EXPH5: variants seen among roughly 807,000 people sequenced by gnomAD.
The protein encoded by EXPH5 is exophilin 5, also known as exophilin-5.
Under a neutral mutation model 41.1 loss-of-function variants are expected in EXPH5, and 42 were observed. The observed-to-expected ratio is 1.02, with a 90% CI of 0.80 to 1.32. EXPH5 has a LOEUF of 1.32. Ranked by LOEUF, EXPH5 falls within the 40% of genes most tolerant of loss-of-function variation. The pLI is 0.00. For synonymous variants in EXPH5, 798 were observed against 833.5 expected (o/e 0.96, Z 0.73); for missense variants, 2,298 against 2,314.5 (o/e 0.99, Z 0.15).
rs184537668 is a variant in EXPH5, at chr11:108,509,943, A to C, written c.5564T>G (p.Leu1855Arg). The C allele has an allele frequency of 7.3e-5, 118 of 1,611,824 alleles. No homozygotes were observed. In the East Asian group the frequency reaches 2.1e-3, roughly 28 times the overall value. Reference protein sequence around the residue: ...YSRRFRSFSELPSCDGNESWA... With the variant: ...YSRRFRSFSERPSCDGNESWA... ...ACTTTCATTTCCATCACAGGAGGGG[A>C]GTTCAGAAAAAGATCTGAATCTTCG... The change falls in exon 6 of 6, where the codon CTC becomes CGC. Residue 1855 changes from leucine to arginine, a missense_variant. Coordinates refer to ENST00000265843, the MANE Select transcript of EXPH5 (RefSeq NM_015065.3).
upstream of EXPH5, among the ~76,000 whole-genome samples, chr11:108,597,139 T>A (rs902368256): frequency 1.3e-5 from 2 of 151,864 alleles, no homozygotes; most frequent in Non-Finnish European, 2.9e-5. Context: ...TCCTTGACAA[T>A]CACCAAGCCA....
upstream of EXPH5, among the ~76,000 whole-genome samples, chr11:108,596,894 T>C (rs978608264): frequency 1.2e-4 from 8 of 64,528 alleles, no homozygotes; most frequent in African/African-American, 2.4e-4. Context: ...AAAATAATTC[T>C]CCAAAGGTTT....
rs557385151 is a variant in EXPH5 at position 108,539,919 on chromosome 11, C to T, written c.281-733G>A. 3.9e-4 allele frequency among the ~76,000 whole-genome samples: 60 copies of T among 152,184 alleles called. No homozygotes were observed. In the South Asian group the frequency reaches 0.012, roughly 30 times the overall value. On this transcript the variant is annotated intron_variant, in intron 2 of 5. Coordinates refer to ENST00000265843, the MANE Select transcript of EXPH5 (RefSeq NM_015065.3). ...ATCTGAAATTGGAAATACTTATAGT[C>T]CCAAACATGTCAGATAACGGATATT... is the stretch of plus-strand genomic sequence containing the variant.
Position 108,517,456 on chromosome 11 carries a change from C to T in EXPH5, c.631+779G>A, listed in dbSNP as rs1270236236. ...CAATATGGGCCAGGCGATGGTATTGCCTTTGCAAACTAAATGAAGTTCCTC... is the reference window on the plus strand; with the variant it reads ...CAATATGGGCCAGGCGATGGTATTGTCTTTGCAAACTAAATGAAGTTCCTC... On this transcript the variant is annotated intron_variant, in intron 5 of 5. Transcript: ENST00000265843. Among the ~76,000 whole-genome samples, 3 of 152,330 alleles carry T rather than the reference C, an allele frequency of 2.0e-5. No homozygotes were observed. The East Asian group carries it at 5.8e-4, about 29-fold the overall frequency.
At chr11:108,588,468 T>G (rs1197979305) in intron 1 of EXPH5, among the ~76,000 whole-genome samples, 1 of 152,192 alleles carries the variant, frequency 6.6e-6, no homozygotes, top group Non-Finnish European at 1.5e-5. Context: ...CACAGCACAG[T>G]GATTATGTAC....
At chr11:108,541,555 A>G (rs1412533408) in intron 2 of EXPH5, 97 bp downstream of exon 2, 3 of 718,862 alleles carry the variant, frequency 4.2e-6, no homozygotes, top group Non-Finnish European at 6.7e-6. Flanking sequence ...AGTTCTAAAC[A>G]TGGATTGGTT....
At chr11:108,541,445 C>CA (rs199762928) in intron 2 of EXPH5, among the ~76,000 whole-genome samples, 29 of 149,116 alleles carry the variant, frequency 1.9e-4, no homozygotes, top group Middle Eastern at 3.4e-3. Context: ...ACCCAAAAAA[C>CA]AAAAAAAAAT....
intron 1 of EXPH5, among the ~76,000 whole-genome samples, chr11:108,571,253 A>G (rs569011760): frequency 1.3e-5 from 2 of 152,214 alleles, no homozygotes; most frequent in Non-Finnish European, 2.9e-5. Context: ...GTGGATAGAC[A>G]TGACCTAATT....
At chr11:108,591,816 A>G (rs1257299361) in intron 1 of EXPH5, among the ~76,000 whole-genome samples, 1 of 152,216 alleles carries the variant, frequency 6.6e-6, no homozygotes, top group Non-Finnish European at 1.5e-5. Context: ...ACAATAAGGC[A>G]AGCAAGCATC....
At chr11:108,570,485 CCTTAAGTGA>C (rs1397043210) in intron 1 of EXPH5, among the ~76,000 whole-genome samples, 2 of 151,980 alleles carry the variant, frequency 1.3e-5, no homozygotes, top group Non-Finnish European at 2.9e-5. Flanking sequence ...AAACTCCTGA[CCTTAAGTGA>C]TTTTCCTGCC....
At chr11:108,542,769 A>G (rs1290866757) in intron 1 of EXPH5, among the ~76,000 whole-genome samples, 1 of 152,126 alleles carries the variant, frequency 6.6e-6, no homozygotes, top group Non-Finnish European at 1.5e-5. Flanking sequence ...CCCAGGCTGG[A>G]GCGCAGTGGT....
In EXPH5 at chr11:108,514,848, G is replaced by A. The variant is rs1372482068; in HGVS notation, c.659C>T (p.Ala220Val). ...CACTGAGCTTGCAGACTGTTCCTGA[G>A]CCAATTTGCTATCCAAGTCATCTAA... ...QVLDDLDSKL[A>V]QEQSASSVNT... Residue 220 changes from alanine (A) to valine (V), a missense_variant, in exon 6 of 6, where the codon GCT (alanine) becomes GTT (valine). Ala to Val is a moderately conservative substitution (Grantham distance 64). Transcript: ENST00000265843. 6.7e-7 allele frequency: 1 copy of A among 1,485,984 alleles called. No individual in the cohort carries two copies. Among genetic ancestry groups the A allele is most frequent in the Admixed American group, 2.5e-5 (1 of 39,924 alleles). The allele number at this position is 1,485,984 out of a possible 1,614,324, so 92.0% of individuals were successfully genotyped here.
rs769448001 is a variant in EXPH5, at chr11:108,512,975, A to G, written c.2532T>C (p.Ile844=). Residue 844 remains isoleucine, a synonymous_variant, in exon 6 of 6, where the codon ATT becomes ATC. Transcript: ENST00000265843. ...TVNNEDISRI[I]TNNHWSSALT... The stretch of plus-strand genomic sequence containing the variant: ...GTGCAGAGCTCCAGTGGTTATTTGT[A>G]ATAATTCTTGAAATATCTTCATTAT... 9 of 1,613,110 alleles carry G rather than the reference A, an allele frequency of 5.6e-6. No homozygotes were observed. In the South Asian group the frequency reaches 9.9e-5, roughly 18 times the overall value.
chr11:108,599,076 A>G, the EXPH5 span, among the ~76,000 whole-genome samples: 2 of 152,098 alleles, frequency 1.3e-5, no homozygotes, highest in African/African-American at 2.4e-5. Context: ...TAGGTGGTCA[A>G]TGGGATTCTG....
intron 2 of EXPH5, among the ~76,000 whole-genome samples, chr11:108,540,150 G>A (rs187219081): frequency 1.3e-5 from 2 of 151,710 alleles, no homozygotes; most frequent in African/African-American, 2.4e-5. Flanking sequence ...GAGAAACCCC[G>A]TCTCTACTAA....
At chr11:108,538,883 T>C (rs1319568868) in intron 3 of EXPH5, 141 bp downstream of exon 3, 1 of 709,474 alleles carries the variant, frequency 1.4e-6, no homozygotes, top group African/African-American at 1.8e-5. Context: ...CTATGCAAGT[T>C]AAGTCCCATT....
intron 1 of EXPH5, among the ~76,000 whole-genome samples, chr11:108,555,948 C>G (rs1403064971): frequency 5.9e-5 from 9 of 152,136 alleles, no homozygotes; most frequent in Non-Finnish European, 1.0e-4. Flanking sequence ...GTATACAAGC[C>G]CCTATCTGTC....
chr11:108,596,993 C>T (rs1447457989), upstream of EXPH5, among the ~76,000 whole-genome samples: 2 of 152,162 alleles, frequency 1.3e-5, no homozygotes, highest in Non-Finnish European at 2.9e-5. Flanking sequence ...AGGCTCTCAG[C>T]TAAAGAGATA....
rs1444960725 is a variant in EXPH5 at position 108,512,646 on chromosome 11, T to G, written c.2861A>C (p.Asp954Ala). Reference sequence around the variant, plus strand: ...ATGGCATTTGACATCAACCACTTCATCATGTGTAGGCACAGGACTATCATT... The same window carrying G: ...ATGGCATTTGACATCAACCACTTCAGCATGTGTAGGCACAGGACTATCATT... ...ERNDSPVPTH[D>A]EVVDVKCHSH... The change falls in exon 6 of 6, where the codon GAT (aspartate) becomes GCT (alanine). Residue 954 changes from aspartate to alanine, a missense_variant. Coordinates refer to ENST00000265843, the MANE Select transcript of EXPH5 (RefSeq NM_015065.3). The G allele has an allele frequency of 1.2e-6, 2 of 1,614,004 alleles. No individual in the cohort carries two copies. Among genetic ancestry groups the G allele is most frequent in the African/African-American group, 2.7e-5 (2 of 74,950 alleles).
Sources: gnomAD v4.1 joint callset for allele counts (sites outside exome capture counted in the v4.1 genomes callset) on GRCh38, gnomAD v4.1.1 for gene constraint, MANE v1.5 for transcripts, NCBI Gene and HGNC (gene_info 2026-07-23, HGNC 2026-07-21) for gene names.